Variants in GPC5 observed in about 807,000 individuals in gnomAD.
GPC5 encodes glypican-5.
In GPC5, 47 loss-of-function variants were observed where a neutral mutation model predicts 53.9. The observed-to-expected ratio is 0.87, with a 90% CI of 0.69 to 1.11. GPC5 has a LOEUF of 1.11. Ranked by LOEUF, GPC5 falls within the 50% of genes most tolerant of loss-of-function variation. The probability of loss-of-function intolerance (pLI) is 0.00; values close to 1 mark genes in which losing one functional copy is unlikely to be tolerated. For missense variants in GPC5, 748 were observed against 713.1 expected, an observed-to-expected ratio of 1.05 and a Z score of -0.56; for synonymous variants, 286 against 263.3, an observed-to-expected ratio of 1.09 and a Z score of -0.84.
At chr13:91,570,982 T>A (rs1337715361) in intron 2 of GPC5, among the ~76,000 whole-genome samples, 1 of 152,224 alleles carries the variant, frequency 6.6e-6, no homozygotes, top group African/African-American at 2.4e-5. Flanking sequence ...GCCTCAGTAG[T>A]TTTTTGTTTT....
intron 7 of GPC5, among the ~76,000 whole-genome samples, chr13:92,444,715 T>TAAAAAAAAAAA (rs71910602): frequency 1.2e-5 from 1 of 84,224 alleles, no homozygotes; most frequent in African/African-American, 4.4e-5. Context: ...TCCTGAAATC[T>TAAAAAAAAAAA]AAAAAAAAAA....
At chr13:92,569,432 C>T (rs1048219195) in intron 7 of GPC5, among the ~76,000 whole-genome samples, 7 of 152,062 alleles carry the variant, frequency 4.6e-5, no homozygotes, top group East Asian at 2.0e-4. Context: ...ATTTTGATGG[C>T]GTGCCGGGAT....
At chr13:91,556,568 T>TAC (rs1284413413) in intron 2 of GPC5, among the ~76,000 whole-genome samples, 2 of 150,662 alleles carry the variant, frequency 1.3e-5, no homozygotes, top group Non-Finnish European at 3.0e-5. Flanking sequence ...TATATATATA[T>TAC]ATACACACAC....
chr13:92,056,458 A>C lies in GPC5; in HGVS notation c.1402-88372A>C, dbSNP rs1478759567. 2.0e-5 allele frequency among the ~76,000 whole-genome samples: 3 copies of C among 152,132 alleles called. No individual in the cohort carries two copies. The East Asian group carries it at 5.8e-4, about 29-fold the overall frequency. ...CAGGTTTTGGAGATTTGAATGTGAA[A>C]ATCTTTGGGGGAGGGGGAGCATGAC... is the stretch of plus-strand genomic sequence containing the variant. On this transcript the variant is annotated intron_variant, in intron 6 of 7. Transcript: ENST00000377067.
intron 6 of GPC5, among the ~76,000 whole-genome samples, chr13:92,021,979 T>C (rs1394164151): frequency 1.3e-5 from 2 of 152,058 alleles, no homozygotes; most frequent in Non-Finnish European, 1.5e-5. Context: ...TTTTTGCTTG[T>C]TTTTTGTTAT....
At chr13:92,018,023 T>TAC (rs375927420) in intron 6 of GPC5, among the ~76,000 whole-genome samples, 14 of 150,920 alleles carry the variant, frequency 9.3e-5, no homozygotes, top group African/African-American at 3.2e-4. Flanking sequence ...CATGCACGAG[T>TAC]ACACACACAC....
At chr13:92,716,589 G>A (rs1362198148) in intron 7 of GPC5, among the ~76,000 whole-genome samples, 1 of 152,004 alleles carries the variant, frequency 6.6e-6, no homozygotes, top group Admixed American at 6.6e-5. Flanking sequence ...CTATCCTGGT[G>A]CTTTATAGTA....
In GPC5 at chr13:92,275,501, C is replaced by T. The variant is rs56152126; in HGVS notation, c.1561+130512C>T. Among the ~76,000 whole-genome samples, 314 of 152,218 alleles carry T rather than the reference C, an allele frequency of 2.1e-3. 2 individuals carry two copies. The highest frequency in any genetic ancestry group is 3.9e-3 in the Non-Finnish European group (262 of 67,976). ...AAAAATAAACAAGATAATATCCTTG[C>T]AAACTTTGTCTAAACAATAAGTCAG... On this transcript the variant is annotated intron_variant, in intron 7 of 7. Coordinates refer to ENST00000377067, the MANE Select transcript of GPC5 (RefSeq NM_004466.6).
At chr13:92,178,844 C>T (rs1203492404) in intron 7 of GPC5, among the ~76,000 whole-genome samples, 1 of 151,842 alleles carries the variant, frequency 6.6e-6, no homozygotes, top group Non-Finnish European at 1.5e-5. Context: ...GGTGTGGTGG[C>T]CCTGTAGTCC....
At chr13:91,448,187 T>C (rs969551434) in intron 1 of GPC5, among the ~76,000 whole-genome samples, 2 of 152,236 alleles carry the variant, frequency 1.3e-5, no homozygotes, top group Admixed American at 6.5e-5. Context: ...TCGCCAGCTA[T>C]ATAGTGAGTG....
chr13:92,239,481 T>C (rs1180298578), intron 7 of GPC5, among the ~76,000 whole-genome samples: 3 of 152,014 alleles, frequency 2.0e-5, no homozygotes, highest in Non-Finnish European at 4.4e-5. Flanking sequence ...GTTGCATGCA[T>C]GGTCATTTGG....
intron 7 of GPC5, among the ~76,000 whole-genome samples, chr13:92,409,096 A>T (rs1460190058): frequency 6.6e-6 from 1 of 152,002 alleles, no homozygotes; most frequent in Non-Finnish European, 1.5e-5. Flanking sequence ...CACAGTATAG[A>T]ATCATATGTG....
At chr13:92,381,099 A>G (rs1294014427) in intron 7 of GPC5, among the ~76,000 whole-genome samples, 1 of 152,188 alleles carries the variant, frequency 6.6e-6, no homozygotes, top group Non-Finnish European at 1.5e-5. Context: ...TTTAATGTGA[A>G]CACAGGGTTA....
Position 92,185,907 on chromosome 13 carries a change from T to C in GPC5, c.1561+40918T>C, listed in dbSNP as rs537214585. ...ATTGTTTTCATTTTACAGCTTGATATTCTCCAGATAAAAAATATACAGATA... is the reference window on the plus strand; with the variant it reads ...ATTGTTTTCATTTTACAGCTTGATACTCTCCAGATAAAAAATATACAGATA... On this transcript the variant is annotated intron_variant, in intron 7 of 7. Coordinates refer to ENST00000377067, the MANE Select transcript of GPC5 (RefSeq NM_004466.6). 7.9e-5 allele frequency among the ~76,000 whole-genome samples: 12 copies of C among 152,296 alleles called. No homozygotes were observed. The East Asian group carries it at 9.7e-4, about 12-fold the overall frequency.
intron 7 of GPC5, among the ~76,000 whole-genome samples, chr13:92,677,191 A>T (rs549922252): frequency 6.6e-6 from 1 of 152,310 alleles, no homozygotes; most frequent in African/African-American, 2.4e-5. Context: ...ACAGTTGCTT[A>T]GCCCTCATAT....
chr13:92,057,434 G>T (rs570128806), intron 6 of GPC5, among the ~76,000 whole-genome samples: 2 of 152,074 alleles, frequency 1.3e-5, no homozygotes, highest in Admixed American at 6.6e-5. Context: ...AAACTAAAAT[G>T]GTTGTTGTTT....
At chr13:91,664,892 T>C (rs2035071264) in intron 2 of GPC5, among the ~76,000 whole-genome samples, 1 of 152,234 alleles carries the variant, frequency 6.6e-6, no homozygotes, top group South Asian at 2.1e-4. Flanking sequence ...CTATGATGGA[T>C]GGACATTTTC....
At chr13:92,732,562 T>C (rs1888837081) in intron 7 of GPC5, among the ~76,000 whole-genome samples, 1 of 151,676 alleles carries the variant, frequency 6.6e-6, no homozygotes, top group East Asian at 1.9e-4. Context: ...AATTTGGAAG[T>C]TCTGTTTTAC....
intron 6 of GPC5, among the ~76,000 whole-genome samples, chr13:92,113,805 A>G (rs1443514746): frequency 6.6e-6 from 1 of 152,148 alleles, no homozygotes; most frequent in East Asian, 1.9e-4. Flanking sequence ...GACACTTTAA[A>G]TAAGTATAAA....
Sources: allele counts gnomAD v4.1 joint callset (sites outside exome capture counted in the v4.1 genomes callset), GRCh38; gene constraint gnomAD v4.1.1; transcripts MANE v1.5; gene names NCBI Gene and HGNC (gene_info 2026-07-23, HGNC 2026-07-21).